The following SAAL1 variants were observed in gnomAD, a reference collection of about 807,000 sequenced individuals.
SAAL1 encodes serum amyloid A like 1.
SAAL1 carries 42 observed loss-of-function variants against 59.8 expected under a neutral mutation model. The observed-to-expected ratio is 0.70, with a 90% CI of 0.55 to 0.91. The LOEUF (loss-of-function observed/expected upper bound fraction) is 0.91. Ranked by LOEUF, SAAL1 falls within the 40% of genes least tolerant of loss-of-function variation. The pLI is 0.00. For synonymous variants in SAAL1, 191 were observed against 194.3 expected (o/e 0.98, Z 0.14); for missense variants, 542 against 561.1 (o/e 0.97, Z 0.34).
chr11:18,096,399 A>G (rs1848576705), intron 3 of SAAL1, among the ~76,000 whole-genome samples: 1 of 151,904 alleles, frequency 6.6e-6, no homozygotes, highest in African/African-American at 2.4e-5. Context: ...GGGCAACATA[A>G]GGAGACCTTT....
chr11:18,091,754 G>C (rs1037431804), intron 4 of SAAL1, among the ~76,000 whole-genome samples: 1 of 152,180 alleles, frequency 6.6e-6, no homozygotes, highest in Non-Finnish European at 1.5e-5. Context: ...CTTTACACAT[G>C]GAGAAGAGAA....
chr11:18,091,894 T>C (rs1035098680), intron 4 of SAAL1, among the ~76,000 whole-genome samples: 1 of 152,232 alleles, frequency 6.6e-6, no homozygotes, highest in African/African-American at 2.4e-5. Flanking sequence ...CTAGTTTCTG[T>C]AGACTCCAGC....
Position 18,105,963 on chromosome 11 carries a change from C to T in SAAL1, c.79G>A (p.Gly27Arg), listed in dbSNP as rs781589261. The T allele has an allele frequency of 1.2e-6, 2 of 1,609,510 alleles. No homozygotes were observed. The highest frequency in any genetic ancestry group is 4.5e-5 in the East Asian group (2 of 44,686). The change falls in exon 1 of 12, where the codon GGG becomes AGG. Residue 27 changes from glycine to arginine, a missense_variant. Coordinates refer to ENST00000524803, the MANE Select transcript of SAAL1 (RefSeq NM_138421.3). Reference protein sequence around the residue: ...EEEVAGGDCIGSTVYSKHWLF... With the variant: ...EEEVAGGDCIRSTVYSKHWLF... The stretch of plus-strand genomic sequence containing the variant: ...CAGTGTTTGCTGTAGACCGTGCTCC[C>T]TATGCAGTCTCCACCGGCCACCTCC...
At chr11:18,105,740 G>C (rs998177968) in intron 1 of SAAL1, among the ~76,000 whole-genome samples, 167 bp downstream of exon 1, 1 of 152,176 alleles carries the variant, frequency 6.6e-6, no homozygotes, top group Non-Finnish European at 1.5e-5. Context: ...GATAGTTTTG[G>C]GGTCCGCAGC....
intron 3 of SAAL1, among the ~76,000 whole-genome samples, chr11:18,092,634 G>C (rs1181696238): frequency 6.6e-6 from 1 of 152,138 alleles, no homozygotes; most frequent in Non-Finnish European, 1.5e-5. Context: ...ATTCAAATAA[G>C]GGGAAAGTAT....
intron 1 of SAAL1, 152 bp from the exon 2 acceptor site, chr11:18,103,498 T>G: frequency 1.5e-6 from 1 of 657,658 alleles, no homozygotes; most frequent in African/African-American, 1.8e-5. Flanking sequence ...TGTGTGGAGT[T>G]TGCATGTTCT....
intron 2 of SAAL1, among the ~76,000 whole-genome samples, chr11:18,101,666 T>G (rs980614238): frequency 6.6e-6 from 1 of 152,136 alleles, no homozygotes; most frequent in Non-Finnish European, 1.5e-5. Flanking sequence ...CTCTAGGTAT[T>G]CACCCAAGGA....
intron 2 of SAAL1, 69 bp downstream of exon 2, chr11:18,103,164 C>T (rs1848651366): frequency 2.9e-6 from 3 of 1,049,718 alleles, no homozygotes; most frequent in South Asian, 1.3e-5. Flanking sequence ...AGGACTGAAC[C>T]GTTTTTAAAA....
intron 9 of SAAL1, 159 bp downstream of exon 9, chr11:18,086,707 A>C: frequency 2.4e-6 from 1 of 423,354 alleles, no homozygotes; most frequent in Non-Finnish European, 3.9e-6. Flanking sequence ...TTTCCAAAAA[A>C]TAAAAATCAA....
At chr11:18,105,403 G>A (rs541411571) in intron 1 of SAAL1, among the ~76,000 whole-genome samples, 3 of 150,666 alleles carry the variant, frequency 2.0e-5, no homozygotes, top group South Asian at 4.2e-4. Flanking sequence ...CAAACTCCTG[G>A]CTCAAGCGAT....
intron 6 of SAAL1, 80 bp from the exon 7 acceptor site, chr11:18,089,590 T>A: frequency 1.5e-6 from 2 of 1,333,036 alleles, no homozygotes; most frequent in Non-Finnish European, 2.1e-6. Context: ...CTAAAGCTAT[T>A]CTAAGAAAAC....
At chr11:18,088,136 C>A (rs537336949) in intron 7 of SAAL1, among the ~76,000 whole-genome samples, 94 of 152,296 alleles carry the variant, frequency 6.2e-4, no homozygotes, top group African/African-American at 2.2e-3. Context: ...GAAGAAGTGA[C>A]GCAAACTTCA....
intron 1 of SAAL1, among the ~76,000 whole-genome samples, chr11:18,104,055 T>C (rs1848663604): frequency 6.6e-6 from 1 of 152,228 alleles, no homozygotes; most frequent in Admixed American, 6.5e-5. Context: ...CACATTTATC[T>C]CAATGTTTAA....
intron 3 of SAAL1, among the ~76,000 whole-genome samples, chr11:18,095,458 AAATACACTATGGAATTCT>A (rs1848563715): frequency 6.6e-6 from 1 of 152,206 alleles, no homozygotes; most frequent in Non-Finnish European, 1.5e-5. Flanking sequence ...CAATTTGTAA[AAATACACTATGGAATTCT>A]CCATTTTATA....
intron 6 of SAAL1, 122 bp from the exon 7 acceptor site, chr11:18,089,632 G>C (rs1033300183): frequency 2.4e-5 from 18 of 750,462 alleles, no homozygotes; most frequent in Non-Finnish European, 3.7e-5. Flanking sequence ...TTATTCTAAA[G>C]GGTGATTTAC....
In SAAL1 at chr11:18,106,013, G is replaced by A. The variant is rs1328024334; in HGVS notation, c.29C>T (p.Pro10Leu). 1.3e-6 allele frequency: 2 copies of A among 1,578,286 alleles called. No homozygotes were observed. Among genetic ancestry groups the A allele is most frequent in the South Asian group, 1.1e-5 (1 of 89,138 alleles). Reference sequence around the variant, plus strand: ...CTCCTCCTCCTCCTTGTCGCGACCCGGCGGCGGCGGCGAGGGGTTGCGGTC... The same window carrying A: ...CTCCTCCTCCTCCTTGTCGCGACCCAGCGGCGGCGGCGAGGGGTTGCGGTC... MDRNPSPPPPGRDKEEEEEV... is the reference protein window; with the variant it reads MDRNPSPPPLGRDKEEEEEV... Residue 10 changes from proline to leucine, a missense_variant, in exon 1 of 12, where the codon CCG becomes CTG. By Grantham distance (98) the Pro-to-Leu change is moderately conservative (BLOSUM62 -3). Transcript: ENST00000524803.
chr11:18,093,477 G>A (rs1848542777), intron 3 of SAAL1, among the ~76,000 whole-genome samples: 1 of 152,138 alleles, frequency 6.6e-6, no homozygotes, highest in African/African-American at 2.4e-5. Flanking sequence ...CAAGGATAAG[G>A]GGAGACTAGT....
chr11:18,092,940 A>C (rs777595753), intron 3 of SAAL1, among the ~76,000 whole-genome samples: 5 of 152,092 alleles, frequency 3.3e-5, no homozygotes, highest in Non-Finnish European at 7.3e-5. Flanking sequence ...GGTTTCAGTT[A>C]CCCATGGTCA....
chr11:18,089,570 A>G (rs1434118366), intron 6 of SAAL1, 60 bp from the exon 7 acceptor site: 7 of 1,484,972 alleles, frequency 4.7e-6, no homozygotes, highest in Non-Finnish European at 6.4e-6. Context: ...AATAGGGTTA[A>G]GCAAAATTCC....
Sources: gnomAD v4.1 joint callset for allele counts (sites outside exome capture counted in the v4.1 genomes callset) on GRCh38, gnomAD v4.1.1 for gene constraint, MANE v1.5 for transcripts, NCBI Gene and HGNC (gene_info 2026-07-23, HGNC 2026-07-21) for gene names.